GRIP1: variants seen among roughly 807,000 people sequenced by gnomAD.
GRIP1 encodes the protein glutamate receptor interacting protein 1.
In GRIP1, 45 loss-of-function variants were observed where a neutral mutation model predicts 129.9. The ratio of observed to expected loss-of-function variants is 0.35; its 90% CI spans 0.27 to 0.44. GRIP1 has a LOEUF of 0.44. Among genes scored for constraint, GRIP1 ranks in the 20% least tolerant of loss-of-function variants. GRIP1 has a pLI of 1.00. For missense variants in GRIP1, 1,196 were observed against 1,396.8 expected, an observed-to-expected ratio of 0.86 and a Z score of 2.29; for synonymous variants, 530 against 520.8, an observed-to-expected ratio of 1.02 and a Z score of -0.24.
rs1214869619 is a variant in GRIP1 at position 66,387,365 on chromosome 12, T to C, written c.2464+4943A>G. On this transcript the variant is annotated intron_variant, in intron 19 of 24. Coordinates refer to ENST00000359742, the MANE Select transcript of GRIP1 (RefSeq NM_001366722.1). ...TTTGTGAGCAGCCTGCTGTTGCTGC[T>C]CTCTGGTAGCTGGGGAAGAATTTAC... 2.0e-5 allele frequency among the ~76,000 whole-genome samples: 3 copies of C among 152,200 alleles called. No individual in the cohort carries two copies. In the East Asian group the frequency reaches 5.8e-4, roughly 29 times the overall value.
chr12:66,720,785 C>A (rs945997419), intron 1 of GRIP1, among the ~76,000 whole-genome samples: 18 of 152,104 alleles, frequency 1.2e-4, no homozygotes, highest in African/African-American at 4.3e-4. Context: ...TTATTTCCAC[C>A]ATATCTGCAA....
intron 1 of GRIP1, among the ~76,000 whole-genome samples, chr12:66,968,195 T>C (rs2137561377): frequency 6.6e-6 from 1 of 152,370 alleles, no homozygotes; most frequent in East Asian, 1.9e-4. Context: ...TCAGTCTTAA[T>C]GTCCCTATTT....
At chr12:66,816,401 T>C (rs2039219481) in intron 1 of GRIP1, among the ~76,000 whole-genome samples, 1 of 152,220 alleles carries the variant, frequency 6.6e-6, no homozygotes, top group African/African-American at 2.4e-5. Flanking sequence ...TGGCCTCTGA[T>C]AGGCACTCAG....
chr12:66,869,984 G>C (rs1234096056), intron 1 of GRIP1, among the ~76,000 whole-genome samples: 5 of 152,186 alleles, frequency 3.3e-5, no homozygotes, highest in South Asian at 4.2e-4. Context: ...TTGGATGTTT[G>C]GGGCTGTCTG....
At chr12:66,548,398 G>C (rs145923364) in intron 2 of GRIP1, among the ~76,000 whole-genome samples, 2 of 152,324 alleles carry the variant, frequency 1.3e-5, no homozygotes, top group African/African-American at 4.8e-5. Context: ...TCTCTTGAAA[G>C]CCATTACTGG....
chr12:66,790,898 G>A (rs574569372), intron 1 of GRIP1, among the ~76,000 whole-genome samples: 72 of 152,256 alleles, frequency 4.7e-4, no homozygotes, highest in African/African-American at 1.7e-3. Flanking sequence ...AGGGGAAGGA[G>A]CGGGAGGAAG....
At chr12:66,363,947 C>T (rs779665519) in intron 23 of GRIP1, among the ~76,000 whole-genome samples, 66 of 152,010 alleles carry the variant, frequency 4.3e-4, no homozygotes, top group South Asian at 2.3e-3. Flanking sequence ...ATTTCAAAAT[C>T]GCTAAAAGAG....
At chr12:66,832,079 C>G (rs182700252) in intron 1 of GRIP1, among the ~76,000 whole-genome samples, 1 of 152,132 alleles carries the variant, frequency 6.6e-6, no homozygotes, top group Admixed American at 6.5e-5. Context: ...TGAGACAAGT[C>G]ACTTCTGAGG....
chr12:66,701,947 T>C lies in GRIP1; in HGVS notation c.-419-71611A>G, dbSNP rs371191362. On this transcript the variant is annotated intron_variant, in intron 1 of 4. Coordinates refer to the GRIP1 transcript ENST00000538373. ...CTAACTGTACAAGCAGTTGAAAGAG[T>C]GATTTTTTAATGGATGCTGATGTTA... Among the ~76,000 whole-genome samples, 8 of 152,210 alleles carry C rather than the reference T, an allele frequency of 5.3e-5. No individual in the cohort carries two copies. The South Asian group carries it at 1.2e-3, about 24-fold the overall frequency.
intron 1 of GRIP1, among the ~76,000 whole-genome samples, chr12:67,057,816 T>G (rs965402794): frequency 6.6e-6 from 1 of 152,202 alleles, no homozygotes; most frequent in African/African-American, 2.4e-5. Context: ...GGAGAAAATG[T>G]GAAATGGTAA....
chr12:66,783,314 G>A (rs1381070558), intron 1 of GRIP1, among the ~76,000 whole-genome samples: 4 of 152,132 alleles, frequency 2.6e-5, no homozygotes, highest in Non-Finnish European at 5.9e-5. Context: ...GATTACAGGC[G>A]TGAGCCACCA....
chr12:66,723,486 T>A (rs1412615210), intron 1 of GRIP1, among the ~76,000 whole-genome samples: 1 of 151,662 alleles, frequency 6.6e-6, no homozygotes, highest in Non-Finnish European at 1.5e-5. Flanking sequence ...CTAATCTTTG[T>A]ATTTTTAGTA....
chr12:66,844,777 C>T (rs1046972331), intron 1 of GRIP1, among the ~76,000 whole-genome samples: 14 of 152,104 alleles, frequency 9.2e-5, no homozygotes, highest in Non-Finnish European at 1.8e-4. Flanking sequence ...TATTATTCAG[C>T]CTTAAGAAGG....
chr12:66,669,843 G>A (rs1177334892), intron 1 of GRIP1, among the ~76,000 whole-genome samples: 1 of 152,170 alleles, frequency 6.6e-6, no homozygotes, highest in Non-Finnish European at 1.5e-5. Context: ...TAGACTTCAA[G>A]AGCACAGAAC....
chr12:66,532,779 C>T (rs554670264), intron 4 of GRIP1, among the ~76,000 whole-genome samples: 1 of 152,042 alleles, frequency 6.6e-6, no homozygotes, highest in East Asian at 1.9e-4. Context: ...CACTTCACCA[C>T]CACCACCACC....
At chr12:66,382,674 G>A (rs2056168756) in intron 19 of GRIP1, among the ~76,000 whole-genome samples, 1 of 152,184 alleles carries the variant, frequency 6.6e-6, no homozygotes, top group Non-Finnish European at 1.5e-5. Flanking sequence ...GTAAGTCTCA[G>A]CATCATTAAT....
intron 7 of GRIP1, among the ~76,000 whole-genome samples, chr12:66,510,438 T>C (rs2060664165): frequency 6.6e-6 from 1 of 152,162 alleles, no homozygotes; most frequent in Non-Finnish European, 1.5e-5. Flanking sequence ...AAAATTTATA[T>C]CTTCTGCTCT....
chr12:66,479,754 GC>G (rs1414959623), intron 7 of GRIP1, among the ~76,000 whole-genome samples: 4 of 152,136 alleles, frequency 2.6e-5, no homozygotes, highest in Non-Finnish European at 5.9e-5. Flanking sequence ...GGAATGCAAG[GC>G]TGGTTCAGCA....
chr12:66,527,244 C>G (rs1949428083), intron 5 of GRIP1, among the ~76,000 whole-genome samples: 1 of 151,036 alleles, frequency 6.6e-6, no homozygotes, highest in Non-Finnish European at 1.5e-5. Context: ...TATTGCGGCA[C>G]TATTCACGAT....
Sources: gnomAD v4.1 joint callset for allele counts (sites outside exome capture counted in the v4.1 genomes callset) on GRCh38, gnomAD v4.1.1 for gene constraint, MANE v1.5 for transcripts, NCBI Gene and HGNC (gene_info 2026-07-23, HGNC 2026-07-21) for gene names.